SLC25A30: variants seen among roughly 807,000 people sequenced by gnomAD.
SLC25A30 encodes the protein solute carrier family 25 member 30.
A neutral mutation model predicts 42.7 loss-of-function variants in SLC25A30; 29 were observed. The observed-to-expected ratio is 0.68, with a 90% CI of 0.51 to 0.93. The LOEUF (loss-of-function observed/expected upper bound fraction) is 0.93, where lower values mean the gene tolerates loss of function less well. Ranked by LOEUF, SLC25A30 falls within the 40% of genes least tolerant of loss-of-function variation. The pLI, the probability that SLC25A30 is intolerant of heterozygous loss-of-function variation, is 0.00. For synonymous variants in SLC25A30, 124 were observed against 131.0 expected (o/e 0.95, Z 0.37); for missense variants, 300 against 359.7 (o/e 0.83, Z 1.34).
chr13:45,423,860 A>C, the SLC25A30 span, among the ~76,000 whole-genome samples: 2 of 74,594 alleles, frequency 2.7e-5, no homozygotes, highest in Non-Finnish European at 4.9e-5. Flanking sequence ...ATATATATAT[A>C]AATATATATA....
At chr13:45,404,840 T>C (rs1882350936) in intron 4 of SLC25A30, among the ~76,000 whole-genome samples, 1 of 152,184 alleles carries the variant, frequency 6.6e-6, no homozygotes, top group Non-Finnish European at 1.5e-5. Flanking sequence ...GTATGTTTCA[T>C]GAATCAAGTA....
chr13:45,424,425 G>C, the SLC25A30 span, among the ~76,000 whole-genome samples: 1 of 50,800 alleles, frequency 2.0e-5, no homozygotes, highest in Non-Finnish European at 3.4e-5. Flanking sequence ...ATAAATATAT[G>C]AATATATATA....
the SLC25A30 span, among the ~76,000 whole-genome samples, chr13:45,424,067 A>T: frequency 4.8e-5 from 5 of 105,248 alleles, no homozygotes; most frequent in East Asian, 1.6e-3. Flanking sequence ...AAAAATATAT[A>T]TATTTATATA....
At chr13:45,423,392 C>T (rs1883943408), upstream of SLC25A30, among the ~76,000 whole-genome samples, 1 of 149,426 alleles carries the variant, frequency 6.7e-6, no homozygotes, top group Admixed American at 6.9e-5. Flanking sequence ...ACGTTACTCT[C>T]TGCATTTACT....
At chr13:45,425,981 C>T in the SLC25A30 span, among the ~76,000 whole-genome samples, 3 of 147,638 alleles carry the variant, frequency 2.0e-5, no homozygotes, top group Admixed American at 6.8e-5. Context: ...GCATGAGCCA[C>T]TTCGCCTGGT....
chr13:45,421,196 T>A (rs941547267), upstream of SLC25A30, among the ~76,000 whole-genome samples: 12 of 151,892 alleles, frequency 7.9e-5, no homozygotes, highest in African/African-American at 2.4e-4. Context: ...CTGGCCAACA[T>A]GGCGAAACTC....
At chr13:45,402,501 T>C in intron 5 of SLC25A30, 131 bp from the exon 6 acceptor site, 3 of 730,430 alleles carry the variant, frequency 4.1e-6, no homozygotes, top group Middle Eastern at 2.4e-4. Flanking sequence ...AACTGTCATA[T>C]AAATACTGCT....
chr13:45,428,519 T>TTC, the SLC25A30 span, among the ~76,000 whole-genome samples: 27 of 38,636 alleles, frequency 7.0e-4, no homozygotes, highest in South Asian at 1.1e-3. Flanking sequence ...CTTTTTAACT[T>TTC]TTTTTTTTTT....
intron 9 of SLC25A30, 93 bp downstream of exon 9, chr13:45,397,165 A>T: frequency 1.1e-6 from 1 of 885,396 alleles, no homozygotes; most frequent in Non-Finnish European, 1.8e-6. Context: ...ATCAGAACCT[A>T]CTTCTAAATT....
At chr13:45,423,769 AAT>A in the SLC25A30 span, among the ~76,000 whole-genome samples, 3 of 56,486 alleles carry the variant, frequency 5.3e-5, no homozygotes, top group African/African-American at 2.4e-4. Context: ...AATATATAAA[AAT>A]ATATAAATAT....
In SLC25A30 at chr13:45,393,385, AT is replaced by A; in HGVS notation, c.*2588del. The A allele has an allele frequency of 1.0e-6, 1 of 980,846 alleles. No individual in the cohort carries two copies. The allele number at this position is 980,846 out of a possible 1,614,324, so 60.8% of individuals were successfully genotyped here. On this transcript the variant is annotated 3_prime_UTR_variant, in exon 10 of 10. Coordinates refer to ENST00000519676, the MANE Select transcript of SLC25A30 (RefSeq NM_001010875.4). ...AAGGCTTATGCCACATATTCCAACA[AT>A]GTTTAAATAAAGAGCTTGAAATATA...
rs766447336 is a variant in SLC25A30 at position 45,408,916 on chromosome 13, G to T, written c.212+11C>A. On this transcript the variant is annotated intron_variant, in intron 3 of 9. Coordinates refer to ENST00000519676, the MANE Select transcript of SLC25A30 (RefSeq NM_001010875.4). ...GAACAGTGACACAGAAATGCATGAAGGCCTACTCACCCCGAGTAGAGTGCT... is the reference window on the plus strand; with the variant it reads ...GAACAGTGACACAGAAATGCATGAATGCCTACTCACCCCGAGTAGAGTGCT... 38 of 1,599,040 alleles carry T rather than the reference G, an allele frequency of 2.4e-5. 1 individual carries two copies. In the South Asian group the frequency reaches 2.7e-4, roughly 11 times the overall value.
At position 45,408,964 on chromosome 13, in the gene SLC25A30, T is replaced by C. The variant is rs199725741; in HGVS notation, c.175A>G (p.Ile59Val). The C allele has an allele frequency of 1.1e-4, 181 of 1,612,960 alleles. 2 individuals are homozygous for C. In the Admixed American group the frequency reaches 2.9e-3, roughly 26 times the overall value. ...YRGMLHALVR[I>V]GREEGLKALY... is the part of the protein sequence containing the mutation. ...GCTTTCAGCCCTTCTTCTCTGCCTA[T>C]CCTCACTAATGCGTGCAACATTCCT... Residue 59 changes from isoleucine (I) to valine (V), a missense_variant, in exon 3 of 10, where the codon ATA becomes GTA. Ile to Val is a conservative substitution (Grantham distance 29). Transcript: ENST00000519676.
intron 1 of SLC25A30, among the ~76,000 whole-genome samples, chr13:45,414,635 TACACACACAC>T (rs145462442): frequency 1.8e-4 from 25 of 139,908 alleles, no homozygotes; most frequent in African/African-American, 3.9e-4. Context: ...CACACACACA[TACACACACAC>T]ACACACACAC....
chr13:45,407,067 GCCTGGA>G (rs1331123476), intron 3 of SLC25A30, among the ~76,000 whole-genome samples: 3 of 152,098 alleles, frequency 2.0e-5, no homozygotes, highest in African/African-American at 7.2e-5. Context: ...TTTGAGACCA[GCCTGGA>G]CAACATGGCA....
chr13:45,425,609 CATATATAAATATATAT>C, the SLC25A30 span, among the ~76,000 whole-genome samples: 1 of 27,148 alleles, frequency 3.7e-5, no homozygotes, highest in Admixed American at 3.9e-4. Flanking sequence ...TATATATATA[CATATATAAATATATAT>C]ATAAGTATAT....
At chr13:45,423,016 A>T (rs1883926816), upstream of SLC25A30, among the ~76,000 whole-genome samples, 1 of 152,110 alleles carries the variant, frequency 6.6e-6, no homozygotes, top group Non-Finnish European at 1.5e-5. Flanking sequence ...ACTTCAAAAG[A>T]ATGAGCAGTT....
At chr13:45,410,609 C>T (rs770907311) in intron 2 of SLC25A30, among the ~76,000 whole-genome samples, 3 of 152,014 alleles carry the variant, frequency 2.0e-5, no homozygotes, top group African/African-American at 7.2e-5. Context: ...GCTTGGGAGT[C>T]GAGACCAGCC....
At chr13:45,424,818 A>AATATG in the SLC25A30 span, among the ~76,000 whole-genome samples, 110 of 61,140 alleles carry the variant, frequency 1.8e-3, 8 homozygotes, top group African/African-American at 7.0e-3. Flanking sequence ...AAAAATATAA[A>AATATG]TATATAAAAA....
Sources: gnomAD v4.1 joint callset for allele counts (sites outside exome capture counted in the v4.1 genomes callset) on GRCh38, gnomAD v4.1.1 for gene constraint, MANE v1.5 for transcripts, NCBI Gene and HGNC (gene_info 2026-07-23, HGNC 2026-07-21) for gene names.